Variants in TNFRSF10A observed in about 807,000 individuals in gnomAD.
The protein encoded by TNFRSF10A is TNF receptor superfamily member 10a.
In TNFRSF10A, 44 loss-of-function variants were observed where a neutral mutation model predicts 42.8. That is an observed-to-expected ratio of 1.03 (90% CI 0.81 to 1.32). The LOEUF is 1.32. TNFRSF10A is among the 40% of genes most tolerant of loss of function. The pLI is 0.00. For missense variants in TNFRSF10A, 680 were observed against 602.0 expected, an observed-to-expected ratio of 1.13 and a Z score of -1.36; for synonymous variants, 259 against 234.2, an observed-to-expected ratio of 1.11 and a Z score of -0.97.
At chr8:23,201,689 G>A (rs1335389146) in intron 4 of TNFRSF10A, 119 bp downstream of exon 4, 4 of 880,898 alleles carry the variant, frequency 4.5e-6, no homozygotes, top group African/African-American at 1.7e-5. Flanking sequence ...CTATGGGGGT[G>A]GAGGCACCAT....
rs1045670868 is a variant in TNFRSF10A at position 23,190,699 on chromosome 8, T to C, written c.*995A>G. The stretch of plus-strand genomic sequence containing the variant: ...TGAAATGTTGTGGGGTAAATGACTA[T>C]ATATGAAATGGGACTTATTGGAGGA... On this transcript the variant is annotated 3_prime_UTR_variant, in exon 10 of 10. Transcript: ENST00000221132. 5 of 152,182 alleles carry C rather than the reference T, an allele frequency of 3.3e-5. No homozygotes were observed. Among genetic ancestry groups the C allele is most frequent in the Non-Finnish European group, 7.3e-5 (5 of 68,040 alleles). The allele number at this position is 152,182 out of a possible 1,614,324, so 9.4% of individuals were successfully genotyped here. A position where few individuals can be genotyped will look rare whatever the true frequency, so the allele number is the denominator to read the frequency against.
chr8:23,219,311 G>A (rs1236232624), intron 1 of TNFRSF10A, among the ~76,000 whole-genome samples: 1 of 150,016 alleles, frequency 6.7e-6, no homozygotes, highest in Non-Finnish European at 1.5e-5. Flanking sequence ...GAGCCCAGTG[G>A]TGGCCTCAGC....
At chr8:23,195,380 A>G (rs1330379389) in intron 9 of TNFRSF10A, among the ~76,000 whole-genome samples, 1 of 152,208 alleles carries the variant, frequency 6.6e-6, no homozygotes, top group Non-Finnish European at 1.5e-5. Flanking sequence ...GTATACTTTA[A>G]GTATATTGAG....
rs185174501 is a variant in TNFRSF10A, at chr8:23,209,338, C to T, written c.403+2778G>A. Among the ~76,000 whole-genome samples, 353 of 152,382 alleles carry T rather than the reference C, an allele frequency of 2.3e-3. 1 individual carries two copies. The highest frequency in any genetic ancestry group is 8.1e-3 in the African/African-American group (338 of 41,596). ...TGGCATCAGAGCCCCCACACGGAGT[C>T]CCTACTGGGGCACTGCCTAGTGGAG... On this transcript the variant is annotated intron_variant, in intron 2 of 9. Transcript: ENST00000221132.
At position 23,202,657 on chromosome 8, in the gene TNFRSF10A, A is replaced by C. The variant is rs1449582199; in HGVS notation, c.508T>G (p.Cys170Gly). The change falls in exon 3 of 10, where the codon TGT becomes GGT. Residue 170 changes from cysteine to glycine, a missense_variant. Coordinates refer to ENST00000221132, the MANE Select transcript of TNFRSF10A (RefSeq NM_003844.4). ...TCCACACATTCTGTACCTGATTTAC[A>C]AGCTGTACATGGGAGGCAAGCAAAC... ...NLFACLPCTACKSDEEERSPC... is the reference protein window; with the variant it reads ...NLFACLPCTAGKSDEEERSPC... 2 of 1,613,558 alleles carry C rather than the reference A, an allele frequency of 1.2e-6. No homozygotes were observed. The highest frequency in any genetic ancestry group is 1.7e-6 in the Non-Finnish European group (2 of 1,179,596).
chr8:23,218,463 CCTTT>C (rs1237862663), intron 1 of TNFRSF10A, among the ~76,000 whole-genome samples: 2 of 152,130 alleles, frequency 1.3e-5, no homozygotes, highest in Admixed American at 6.5e-5. Context: ...AAATCTGCTT[CCTTT>C]GAGTCTTTCG....
At chr8:23,207,038 A>G in intron 2 of TNFRSF10A, 1 of 452,128 alleles carries the variant, frequency 2.2e-6, no homozygotes. Flanking sequence ...AAGAATATCC[A>G]TACATCACCC....
At chr8:23,206,080 A>C (rs1486478536) in intron 2 of TNFRSF10A, among the ~76,000 whole-genome samples, 1 of 152,220 alleles carries the variant, frequency 6.6e-6, no homozygotes, top group Non-Finnish European at 1.5e-5. Flanking sequence ...GTTTAAGTTA[A>C]AAATACAAAA....
chr8:23,197,080 A>G, intron 9 of TNFRSF10A, 52 bp downstream of exon 9: 1 of 1,609,456 alleles, frequency 6.2e-7, no homozygotes, highest in South Asian at 1.1e-5. Context: ...CAGTTAGGAC[A>G]CCGTCCCTAT....
In TNFRSF10A at chr8:23,191,257, C is replaced by T. The variant is rs1038321109; in HGVS notation, c.*437G>A. 5 of 172,206 alleles carry T rather than the reference C, an allele frequency of 2.9e-5. No individual in the cohort carries two copies. The highest frequency in any genetic ancestry group is 6.2e-5 in the Non-Finnish European group (5 of 81,002). 10.7% of individuals were successfully genotyped at this position (172,206 alleles called of 1,614,324 possible). On this transcript the variant is annotated 3_prime_UTR_variant, in exon 10 of 10. Transcript: ENST00000221132. ...ACACGGAGGCCAGCTCAGGGGAGAA[C>T]CAGATTTTCCTTTGGCATGTGAGCC...
chr8:23,207,707 T>C (rs539958661), intron 2 of TNFRSF10A, among the ~76,000 whole-genome samples: 166 of 152,264 alleles, frequency 1.1e-3, no homozygotes, highest in African/African-American at 3.9e-3. Context: ...TCATAAGATC[T>C]GATGGTTATT....
In TNFRSF10A at chr8:23,199,433, A is replaced by G. The variant is rs1418559176; in HGVS notation, c.847T>C (p.Leu283=). ...KCMDRVCFWR[L]GLLRGPGAED... is the part of the protein sequence containing the mutation. ...GCCCCAGGCCCTCGTAGGAGACCCA[A>G]GCGCCAGAAACACACCTTAGGAAGG... Residue 283 remains leucine, a synonymous_variant, in exon 8 of 10, where the codon TTG becomes CTG. Coordinates refer to ENST00000221132, the MANE Select transcript of TNFRSF10A (RefSeq NM_003844.4). 1.9e-6 allele frequency: 3 copies of G among 1,612,078 alleles called. No homozygotes were observed.
chr8:23,203,099 T>C (rs1021758868), intron 2 of TNFRSF10A, among the ~76,000 whole-genome samples: 1 of 152,168 alleles, frequency 6.6e-6, no homozygotes, highest in African/African-American at 2.4e-5. Context: ...GATAAAACAT[T>C]GAGATATTTT....
Position 23,192,437 on chromosome 8 carries a change from G to A in TNFRSF10A, c.1088-424C>T, listed in dbSNP as rs552128338. On this transcript the variant is annotated intron_variant, in intron 9 of 9. Coordinates refer to ENST00000221132, the MANE Select transcript of TNFRSF10A (RefSeq NM_003844.4). ...GGCCACTTCTGCATCTGTGGAAAGT[G>A]CAGGGTCTGGGGCAGGGGACCTCTG... Among the ~76,000 whole-genome samples, 3 of 152,338 alleles carry A rather than the reference G, an allele frequency of 2.0e-5. 1 individual carries two copies. In the South Asian group the frequency reaches 6.2e-4, roughly 32 times the overall value.
intron 1 of TNFRSF10A, 47 bp downstream of exon 1, chr8:23,224,708 CG>C (rs1157410041): frequency 1.3e-6 from 2 of 1,531,718 alleles, no homozygotes; most frequent in Non-Finnish European, 1.8e-6. Context: ...TGCCCCCTCC[CG>C]GTGCCAGGCG....
At chr8:23,196,150 A>G (rs545811717) in intron 9 of TNFRSF10A, among the ~76,000 whole-genome samples, 62 of 151,890 alleles carry the variant, frequency 4.1e-4, no homozygotes, top group Non-Finnish European at 7.5e-4. Context: ...ATTCATCTTG[A>G]TTGCTTCCTT....
chr8:23,224,299 CAAAAAAAAAAAA>C (rs71208595), intron 1 of TNFRSF10A: 48 of 101,752 alleles, frequency 4.7e-4, no homozygotes, highest in Admixed American at 1.0e-3. Flanking sequence ...GACTCCGTTT[CAAAAAAAAAAAA>C]AAAAAAAAAA....
intron 4 of TNFRSF10A, among the ~76,000 whole-genome samples, chr8:23,201,402 T>C (rs1395679326): frequency 6.6e-6 from 1 of 152,216 alleles, no homozygotes; most frequent in Non-Finnish European, 1.5e-5. Context: ...TATTAAAAAT[T>C]ACATTTTATG....
chr8:23,196,425 T>C (rs1293499097), intron 9 of TNFRSF10A, among the ~76,000 whole-genome samples: 1 of 152,164 alleles, frequency 6.6e-6, no homozygotes, highest in African/African-American at 2.4e-5. Context: ...CTCGATCTCC[T>C]GACCTTGTGA....
Sources: gnomAD v4.1 joint callset for allele counts (sites outside exome capture counted in the v4.1 genomes callset) on GRCh38, gnomAD v4.1.1 for gene constraint, MANE v1.5 for transcripts, NCBI Gene and HGNC (gene_info 2026-07-23, HGNC 2026-07-21) for gene names.